BICDL2: variants seen among roughly 807,000 people sequenced by gnomAD.
The protein encoded by BICDL2 is BICD family-like cargo adapter 2.
Under a neutral mutation model 56.6 loss-of-function variants are expected in BICDL2, and 62 were observed. The observed-to-expected ratio is 1.10, with a 90% CI of 0.89 to 1.35. The LOEUF (loss-of-function observed/expected upper bound fraction) is 1.35, where lower values mean the gene tolerates loss of function less well. BICDL2 is among the 40% of genes most tolerant of loss of function. The pLI is 0.00. For synonymous variants in BICDL2, 358 were observed against 319.8 expected (o/e 1.12, Z -1.27); for missense variants, 808 against 684.5 (o/e 1.18, Z -2.01).
At position 3,035,283 on chromosome 16, in the gene BICDL2, G is replaced by A. The variant is rs768387131; in HGVS notation, c.214C>T (p.Leu72=). 6.4e-7 allele frequency: 1 copy of A among 1,553,870 alleles called. No individual in the cohort carries two copies. Among genetic ancestry groups the A allele is most frequent in the South Asian group, 1.2e-5 (1 of 84,538 alleles). ...CGCCGCAGCTCTTCATTTCGCTCCA[G>A]AAGCATCTTGCCGAGCTCCGCGGCC... ...LLAAELGKML[L]ERNEELRRQL... Residue 72 remains leucine, a synonymous_variant, in exon 2 of 10, where the codon CTG becomes TTG. Coordinates refer to ENST00000572449, the MANE Select transcript of BICDL2 (RefSeq NM_001369667.1).
chr16:3,030,132 C>G (rs2151141151), intron 5 of BICDL2: 1 of 478,052 alleles, frequency 2.1e-6, no homozygotes, highest in Non-Finnish European at 3.7e-6. Context: ...TAACATCAGA[C>G]ACCGCATCCT....
In BICDL2 at chr16:3,029,611, T is replaced by G; in HGVS notation, c.891A>C (p.Ser297=). The G allele has an allele frequency of 6.5e-7, 1 of 1,540,716 alleles. No homozygotes were observed. Among genetic ancestry groups the G allele is most frequent in the African/African-American group, 1.4e-5 (1 of 73,164 alleles). ...CGTCGTCGAGGCTGTGGGCCAGTTC[T>G]GACTGCAACGAGGCAGCCGACACGT... is the stretch of plus-strand genomic sequence containing the variant. The part of the protein sequence containing the change: ...DADVSAASLQ[S]ELAHSLDDGD... Residue 297 remains serine, a synonymous_variant, in exon 6 of 10, where the codon TCA becomes TCC. Coordinates refer to ENST00000572449, the MANE Select transcript of BICDL2 (RefSeq NM_001369667.1).
intron 7 of BICDL2, 79 bp from the exon 8 acceptor site, chr16:3,028,909 T>C: frequency 2.7e-6 from 4 of 1,471,352 alleles, no homozygotes; most frequent in Non-Finnish European, 3.6e-6. Context: ...CGACTCTGGC[T>C]CTCCCCACCC....
chr16:3,035,612 G>A, intron 1 of BICDL2, 86 bp from the exon 2 acceptor site: 1 of 1,253,610 alleles, frequency 8.0e-7, no homozygotes, highest in South Asian at 1.5e-5. Flanking sequence ...CCTGCTGCCA[G>A]CCTGCCCGGT....
At position 3,028,069 on chromosome 16, in the gene BICDL2, C is replaced by T; in HGVS notation, c.*37G>A. 7 of 1,397,856 alleles carry T rather than the reference C, an allele frequency of 5.0e-6. No homozygotes were observed. The highest frequency in any genetic ancestry group is 1.5e-5 in the African/African-American group (1 of 65,540). 86.6% of individuals were successfully genotyped at this position (1,397,856 alleles called of 1,614,324 possible). A position where few individuals can be genotyped will look rare whatever the true frequency, so the allele number is the denominator to read the frequency against. On this transcript the variant is annotated 3_prime_UTR_variant, in exon 10 of 10. Coordinates refer to ENST00000572449, the MANE Select transcript of BICDL2 (RefSeq NM_001369667.1). The stretch of plus-strand genomic sequence containing the variant: ...CATTGGCCTGAAGAGGAAAGTGAGC[C>T]CCTAAGTGGGCAAGGGCAGCCCTCT...
At chr16:3,029,477 G>A in intron 6 of BICDL2, 48 bp from the exon 7 acceptor site, 1 of 1,585,168 alleles carries the variant, frequency 6.3e-7, no homozygotes, top group South Asian at 1.1e-5. Flanking sequence ...ATTGGGGAAA[G>A]GAGGAAAGGC....
chr16:3,029,505 C>A, intron 6 of BICDL2, 40 bp downstream of exon 6: 2 of 1,567,472 alleles, frequency 1.3e-6, no homozygotes, highest in Non-Finnish European at 8.6e-7. Flanking sequence ...GCAACCCTCT[C>A]GATGGCACAG....
intron 2 of BICDL2, among the ~76,000 whole-genome samples, chr16:3,033,389 G>T (rs542211216): frequency 6.6e-6 from 1 of 152,296 alleles, no homozygotes; most frequent in Admixed American, 6.5e-5. Flanking sequence ...TGGAGGCTGT[G>T]ATCTGTGATC....
At position 3,035,522 on chromosome 16, in the gene BICDL2, G is replaced by A. The variant is rs763515463; in HGVS notation, c.-26C>T. 2.5e-6 allele frequency: 4 copies of A among 1,589,658 alleles called. No individual in the cohort carries two copies. In the Admixed American group the frequency reaches 5.2e-5, roughly 20 times the overall value. ...GTCACCTGCAGCATCTGCGGGGACA[G>A]GTGGCTGCGGGACACTCTACTCTGC... On this transcript the variant is annotated 5_prime_UTR_variant, in exon 2 of 10. Transcript: ENST00000572449.
At chr16:3,031,867 A>G (rs1955661491) in intron 2 of BICDL2, 1 of 252,126 alleles carries the variant, frequency 4.0e-6, no homozygotes, top group Non-Finnish European at 7.5e-6. Context: ...CAGATGGAAC[A>G]AGCTCAAGAG....
At chr16:3,033,850 T>C (rs1955690702) in intron 2 of BICDL2, among the ~76,000 whole-genome samples, 1 of 150,128 alleles carries the variant, frequency 6.7e-6, no homozygotes, top group African/African-American at 2.4e-5. Context: ...GTCCTCAAGG[T>C]TGGGAAGGCG....
At chr16:3,035,176 T>TCCCCCCCCTCCCCCCCCCCCCCCCCCC in intron 2 of BICDL2, 39 bp downstream of exon 2, 1 of 136,274 alleles carries the variant, frequency 7.3e-6, no homozygotes, top group Non-Finnish European at 1.4e-5. Context: ...CGTCCTCCCC[T>TCCCCCCCCTCCCCCCCCCCCCCCCCCC]GCCCACCCAC....
chr16:3,028,781 C>T lies in BICDL2; in HGVS notation c.1157G>A (p.Arg386Lys). The T allele has an allele frequency of 6.4e-7, 1 of 1,557,808 alleles. No individual in the cohort carries two copies. The change falls in exon 8 of 10, where the codon AGG becomes AAG. Residue 386 changes from arginine (R) to lysine (K), a missense_variant. By Grantham distance (26) the Arg-to-Lys change is conservative. Transcript: ENST00000572449. ...ELQSLREELQ[R>K]QKELRAQEDP... ...TTCCTGCGCCCGCAGCTCCTTCTGCCTCTGCAGCTCTTCCCGCAGGGACTG... is the reference window on the plus strand; with the variant it reads ...TTCCTGCGCCCGCAGCTCCTTCTGCTTCTGCAGCTCTTCCCGCAGGGACTG...
At chr16:3,034,482 A>C (rs762815133) in intron 2 of BICDL2, among the ~76,000 whole-genome samples, 3 of 151,976 alleles carry the variant, frequency 2.0e-5, no homozygotes, top group Non-Finnish European at 4.4e-5. Flanking sequence ...GGGTTTCACC[A>C]TGTTGGCCAG....
At position 3,035,355 on chromosome 16, in the gene BICDL2, C is replaced by T. The variant is rs367628535; in HGVS notation, c.142G>A (p.Glu48Lys). ...TGCTGCAGCTGCAAGGCTAGGTCCT[C>T]GGGCTCCTCAGGCCCTGGGCCCCCT... ...LGGGPGPEEP[E>K]DLALQLQQKE... Residue 48 changes from glutamate (E) to lysine (K), a missense_variant, in exon 2 of 10, where the codon GAG (glutamate) becomes AAG (lysine). Physicochemically the swap from Glu to Lys is moderately conservative, Grantham distance 56 (BLOSUM62 1). Coordinates refer to ENST00000572449, the MANE Select transcript of BICDL2 (RefSeq NM_001369667.1). 736 of 1,603,126 alleles carry T rather than the reference C, an allele frequency of 4.6e-4. 2 individuals are homozygous for T. Among genetic ancestry groups the T allele is most frequent in the Non-Finnish European group, 5.9e-4 (688 of 1,175,600 alleles).
intron 1 of BICDL2, chr16:3,036,566 C>T: frequency 2.2e-6 from 1 of 451,424 alleles, no homozygotes; most frequent in Non-Finnish European, 4.4e-6. Context: ...GCCCCCAGGC[C>T]GCTCCCGGGG....
In BICDL2 at chr16:3,031,048, G is replaced by A. The variant is rs61747753; in HGVS notation, c.385C>T (p.Arg129Trp). 1,459 of 1,540,148 alleles carry A rather than the reference G, an allele frequency of 9.5e-4. 13 individuals are homozygous for A. In the African/African-American group the frequency reaches 0.017, roughly 18 times the overall value. ...GAGCGCTGCTCCCCAAGCTGGGCCC[G>A]CAGGGCCTCCACGTCCCCCTCCAGC... Reference protein sequence around the residue: ...VELEGDVEALRAQLGEQRSEQ... With the variant: ...VELEGDVEALWAQLGEQRSEQ... Residue 129 changes from arginine to tryptophan, a missense_variant, in exon 3 of 10, where the codon CGG (arginine) becomes TGG (tryptophan). Transcript: ENST00000572449.
chr16:3,036,335 C>T (rs1255942316), intron 1 of BICDL2: 4 of 444,106 alleles, frequency 9.0e-6, no homozygotes, highest in African/African-American at 6.1e-5. Context: ...CCCGGTCCGC[C>T]CCTGGGGACG....
At position 3,028,009 on chromosome 16, in the gene BICDL2, G is replaced by A; in HGVS notation, c.*97C>T. ...GCATCCTGGGGCGGGGAGGGCATCA[G>A]CTTCTTTTGGAAGACAATCTGGGCC... is the stretch of plus-strand genomic sequence containing the variant. On this transcript the variant is annotated 3_prime_UTR_variant, in exon 10 of 10. Coordinates refer to ENST00000572449, the MANE Select transcript of BICDL2 (RefSeq NM_001369667.1). 1 of 1,363,876 alleles carries A rather than the reference G, an allele frequency of 7.3e-7. No individual in the cohort carries two copies. The highest frequency in any genetic ancestry group is 9.5e-7 in the Non-Finnish European group (1 of 1,056,378). The allele number at this position is 1,363,876 out of a possible 1,614,324, so 84.5% of individuals were successfully genotyped here. A position where few individuals can be genotyped will look rare whatever the true frequency, so the allele number is the denominator to read the frequency against.
Sources: gnomAD v4.1 joint callset for allele counts (sites outside exome capture counted in the v4.1 genomes callset) on GRCh38, gnomAD v4.1.1 for gene constraint, MANE v1.5 for transcripts, NCBI Gene and HGNC (gene_info 2026-07-23, HGNC 2026-07-21) for gene names.